ZNF516: variants seen among roughly 807,000 people sequenced by gnomAD.
ZNF516 encodes zinc finger protein 516.
A neutral mutation model predicts 79.7 loss-of-function variants in ZNF516; 19 were observed. The ratio of observed to expected loss-of-function variants is 0.24; its 90% confidence interval spans 0.17 to 0.35. The LOEUF (loss-of-function observed/expected upper bound fraction) is 0.35, where lower values mean the gene tolerates loss of function less well. ZNF516 is among the 10% of genes least tolerant of loss of function. ZNF516 has a pLI of 1.00. For synonymous variants in ZNF516, 877 were observed against 739.5 expected, an observed-to-expected ratio of 1.19 and a Z score of -3.02; for missense variants, 1,678 against 1,679.5, an observed-to-expected ratio of 1.00 and a Z score of 0.02.
rs1427489671 is a variant in ZNF516, at chr18:76,360,644, AAAATAT to A, written c.*1848_*1853del. On this transcript the variant is annotated 3_prime_UTR_variant, in exon 7 of 7. Coordinates refer to ENST00000443185, the MANE Select transcript of ZNF516 (RefSeq NM_014643.4). ...AGAAAAAAATAAGTAAAAAAAAAAA[AAAATAT>A]ATATATATATATATATATATATATA... is the stretch of plus-strand genomic sequence containing the variant. 8 of 101,646 alleles carry A rather than the reference AAAATAT, an allele frequency of 7.9e-5. No individual in the cohort carries two copies. The East Asian group carries it at 9.5e-4, about 12-fold the overall frequency. 6.3% of individuals were successfully genotyped at this position (101,646 alleles called of 1,614,324 possible). A position where few individuals can be genotyped will look rare whatever the true frequency, so the allele number is the denominator to read the frequency against.
chr18:76,424,539 T>C (rs1458131168), intron 3 of ZNF516, among the ~76,000 whole-genome samples: 115 of 40,288 alleles, frequency 2.9e-3, no homozygotes, highest in Admixed American at 4.4e-3. Context: ...GTGAAAAGGC[T>C]CCCCCCGAAA....
At chr18:76,474,537 C>G (rs1198413181) in intron 1 of ZNF516, among the ~76,000 whole-genome samples, 1 of 152,142 alleles carries the variant, frequency 6.6e-6, no homozygotes, top group Non-Finnish European at 1.5e-5. Flanking sequence ...TTCAAAGTAC[C>G]AGTGTCAAAA....
chr18:76,400,549 G>A (rs1042835237), intron 3 of ZNF516, among the ~76,000 whole-genome samples: 2 of 152,188 alleles, frequency 1.3e-5, no homozygotes, highest in Non-Finnish European at 2.9e-5. Flanking sequence ...GGCTGGTACT[G>A]ACCCCGTACT....
chr18:76,375,991 A>C (rs2074782103), intron 4 of ZNF516, among the ~76,000 whole-genome samples: 1 of 151,960 alleles, frequency 6.6e-6, no homozygotes, highest in Non-Finnish European at 1.5e-5. Context: ...AAGGTCCCGG[A>C]GACCAGGCAG....
intron 3 of ZNF516, among the ~76,000 whole-genome samples, chr18:76,401,636 A>AGACC (rs1485693933): frequency 6.6e-6 from 1 of 151,196 alleles, no homozygotes; most frequent in Non-Finnish European, 1.5e-5. Flanking sequence ...GCCCCTGGAC[A>AGACC]GACCGACGGC....
chr18:76,461,611 A>G (rs1025748060), intron 2 of ZNF516, among the ~76,000 whole-genome samples: 2 of 152,244 alleles, frequency 1.3e-5, no homozygotes, highest in Non-Finnish European at 2.9e-5. Flanking sequence ...ACGTTTTGCA[A>G]TCTTGCCATC....
chr18:76,441,461 G>C lies in ZNF516; in HGVS notation c.1594C>G (p.Leu532Val). ...GCGCGGCGATGCACGCGTGAGTGCA[G>C]CACCATCTGATGATAGGTGCGGAAG... ...KIFRTYHQMV[L>V]HSRVHRRARR... The change falls in exon 3 of 7, where the codon CTG becomes GTG. Residue 532 changes from leucine to valine, a missense_variant. Leu to Val is a conservative substitution (Grantham distance 32). This residue lies in a region of ZNF516 where 1,294 missense variants were observed against 1,248.3 expected (regional missense o/e 1.04). Coordinates refer to ENST00000443185, the MANE Select transcript of ZNF516 (RefSeq NM_014643.4). 2.5e-6 allele frequency: 4 copies of C among 1,605,210 alleles called. No homozygotes were observed. The highest frequency in any genetic ancestry group is 1.3e-5 in the African/African-American group (1 of 74,860).
chr18:76,372,758 G>C (rs1326178850), intron 4 of ZNF516: 2 of 152,232 alleles, frequency 1.3e-5, no homozygotes, highest in African/African-American at 2.4e-5. Context: ...TCATTAACAT[G>C]AATCAGAGAA....
At chr18:76,452,042 T>C (rs757971373) in intron 2 of ZNF516, among the ~76,000 whole-genome samples, 2 of 152,132 alleles carry the variant, frequency 1.3e-5, no homozygotes, top group East Asian at 3.9e-4. Flanking sequence ...ATGAACCAGC[T>C]ACATTTCCAC....
chr18:76,492,440 G>A, intron 1 of ZNF516: 1 of 895,802 alleles, frequency 1.1e-6, no homozygotes, highest in South Asian at 5.1e-5. Flanking sequence ...AGGCGGGTGG[G>A]CAGCCGAACT....
At chr18:76,429,956 CAG>C (rs1445817314) in intron 3 of ZNF516, among the ~76,000 whole-genome samples, 1 of 152,126 alleles carries the variant, frequency 6.6e-6, no homozygotes, top group Non-Finnish European at 1.5e-5. Context: ...ATAGAAACCG[CAG>C]AGACTCTGTC....
At position 76,357,837 on chromosome 18, in the gene ZNF516, G is replaced by A. The variant is rs916994473; in HGVS notation, c.*4661C>T. Reference sequence around the variant, plus strand: ...GTGTGGCTGAGTCAGAATTCCGTCCGCGTCCATCCCTGTGCGTCCTGTATG... The same window carrying A: ...GTGTGGCTGAGTCAGAATTCCGTCCACGTCCATCCCTGTGCGTCCTGTATG... On this transcript the variant is annotated 3_prime_UTR_variant, in exon 7 of 7. Transcript: ENST00000443185. Among the ~76,000 whole-genome samples the A allele has an allele frequency of 3.3e-5, 5 of 152,018 alleles. No individual in the cohort carries two copies. The highest frequency in any genetic ancestry group is 9.7e-5 in the African/African-American group (4 of 41,364).
At chr18:76,411,994 G>A (rs1378483159) in intron 3 of ZNF516, among the ~76,000 whole-genome samples, 1 of 152,166 alleles carries the variant, frequency 6.6e-6, no homozygotes, top group Non-Finnish European at 1.5e-5. Flanking sequence ...GAGTCAACCC[G>A]AGATGATCCC....
chr18:76,373,499 T>A (rs913551051), intron 4 of ZNF516, among the ~76,000 whole-genome samples: 7 of 152,222 alleles, frequency 4.6e-5, no homozygotes, highest in Admixed American at 3.9e-4. Flanking sequence ...CTTCTACAGG[T>A]GGAATCTGAC....
intron 3 of ZNF516, among the ~76,000 whole-genome samples, chr18:76,425,943 C>T (rs1816976389): frequency 6.6e-6 from 1 of 152,262 alleles, no homozygotes; most frequent in Admixed American, 6.5e-5. Flanking sequence ...CCCAGCGCTG[C>T]TCTTCGCGGC....
At chr18:76,403,339 C>T (rs1207776735) in intron 3 of ZNF516, among the ~76,000 whole-genome samples, 1 of 152,176 alleles carries the variant, frequency 6.6e-6, no homozygotes. Context: ...CACAGGCACG[C>T]TGCAACGCAC....
chr18:76,458,244 A>G (rs1002972379), intron 2 of ZNF516, among the ~76,000 whole-genome samples: 3 of 152,198 alleles, frequency 2.0e-5, no homozygotes, highest in African/African-American at 7.2e-5. Context: ...GAAAGGAAAC[A>G]TGAGTTTCAT....
chr18:76,450,576 T>C (rs1051148343), intron 2 of ZNF516, among the ~76,000 whole-genome samples: 12 of 152,176 alleles, frequency 7.9e-5, no homozygotes, highest in African/African-American at 2.9e-4. Flanking sequence ...CGGGCTCCAG[T>C]TGCAAAGCCT....
intron 2 of ZNF516, among the ~76,000 whole-genome samples, chr18:76,462,818 A>T (rs1477681665): frequency 6.6e-6 from 1 of 152,214 alleles, no homozygotes; most frequent in Non-Finnish European, 1.5e-5. Flanking sequence ...TGTCCTCATC[A>T]AAGTAGCCCA....
Sources: gnomAD v4.1 joint callset for allele counts (sites outside exome capture counted in the v4.1 genomes callset) on GRCh38, gnomAD v4.1.1 for gene constraint, gnomAD v4.1.1 regional missense constraint, MANE v1.5 for transcripts, NCBI Gene and HGNC (gene_info 2026-07-23, HGNC 2026-07-21) for gene names.